The following FBXL18 variants were observed in gnomAD, a reference collection of about 807,000 sequenced individuals.
FBXL18 encodes F-box/LRR-repeat protein 18.
In FBXL18, 36 loss-of-function variants were observed where a neutral mutation model predicts 46.0. That is an observed-to-expected ratio of 0.78 (90% confidence interval 0.60 to 1.03). The LOEUF (loss-of-function observed/expected upper bound fraction) is 1.03, where lower values mean the gene tolerates loss of function less well. FBXL18 is among the 50% of genes least tolerant of loss of function. The probability of loss-of-function intolerance (pLI) is 0.00; values close to 1 mark genes in which losing one functional copy is unlikely to be tolerated. For synonymous variants in FBXL18, 557 were observed against 465.3 expected, an observed-to-expected ratio of 1.20 and a Z score of -2.54; for missense variants, 977 against 1,004.1, an observed-to-expected ratio of 0.97 and a Z score of 0.36.
chr7:5,502,450 G>A (rs192408264), intron 2 of FBXL18, among the ~76,000 whole-genome samples: 2 of 152,046 alleles, frequency 1.3e-5, no homozygotes, highest in Non-Finnish European at 1.5e-5. Context: ...CAGAAGAATC[G>A]CTTGAACCTG....
intron 1 of FBXL18, among the ~76,000 whole-genome samples, chr7:5,510,616 G>A (rs775647169): frequency 7.9e-5 from 12 of 151,338 alleles, no homozygotes; most frequent in Non-Finnish European, 1.6e-4. Context: ...AACCCGGGAA[G>A]TGGTGGCTTC....
chr7:5,482,982 G>A (rs1021558914), intron 4 of FBXL18, among the ~76,000 whole-genome samples: 17 of 151,302 alleles, frequency 1.1e-4, no homozygotes, highest in African/African-American at 3.2e-4. Context: ...AGGCGGCAGT[G>A]AGCTAAGATC....
rs1454696572 is a variant in FBXL18, at chr7:5,455,744, C to T, written c.2001-7901G>A. Among the ~76,000 whole-genome samples the T allele has an allele frequency of 6.7e-6, 1 of 149,422 alleles. No homozygotes were observed. Reference sequence around the variant, plus strand: ...GTCCCTAGATGGTGCCTCCCCCCCACCCCCACTACACACACACAAACACAC... The same window carrying T: ...GTCCCTAGATGGTGCCTCCCCCCCATCCCCACTACACACACACAAACACAC... On this transcript the variant is annotated intron_variant and NMD_transcript_variant, in intron 4 of 6. Coordinates refer to the FBXL18 transcript ENST00000415009. This position sits in a 1 kb window ranked among gnomAD's most constrained non-coding sequence, Gnocchi z 4.6.
In FBXL18 at chr7:5,455,283, G is replaced by C. The variant is rs1405085087; in HGVS notation, c.2001-7440C>G. Among the ~76,000 whole-genome samples the C allele has an allele frequency of 6.6e-6, 1 of 151,986 alleles. No homozygotes were observed. The highest frequency in any genetic ancestry group is 1.5e-5 in the Non-Finnish European group (1 of 67,980). On this transcript the variant is annotated intron_variant and NMD_transcript_variant, in intron 4 of 6. Coordinates refer to the FBXL18 transcript ENST00000415009. This position sits in a 1 kb window ranked among gnomAD's most constrained non-coding sequence, Gnocchi z 4.6. ...CTGGGGAGCAGTATCGGGAGCACCT[G>C]CAGGGAGTATTCTCGGGCATATGCT...
chr7:5,498,495 C>T (rs549864929), intron 3 of FBXL18, among the ~76,000 whole-genome samples: 9 of 152,322 alleles, frequency 5.9e-5, no homozygotes, highest in Non-Finnish European at 5.9e-5. Flanking sequence ...GGGCTCTTCG[C>T]GTGTTCTGGC....
Position 5,480,539 on chromosome 7 carries a change from T to C in FBXL18, c.*1236A>G, listed in dbSNP as rs1223819137. On this transcript the variant is annotated 3_prime_UTR_variant, in exon 5 of 5. Transcript: ENST00000382368. ...CCAAAGTGTGTTGAATATATATATATATATATATATTTTTTTTTTTTTTTT... is the reference window on the plus strand; with the variant it reads ...CCAAAGTGTGTTGAATATATATATACATATATATATTTTTTTTTTTTTTTT... The C allele has an allele frequency of 1.4e-4, 6 of 42,434 alleles. No homozygotes were observed. Among genetic ancestry groups the C allele is most frequent in the Admixed American group, 2.7e-4 (1 of 3,742 alleles). 2.6% of individuals were successfully genotyped at this position (42,434 alleles called of 1,614,324 possible).
intron 4 of FBXL18, among the ~76,000 whole-genome samples, chr7:5,486,855 G>A (rs565554235): frequency 1.3e-5 from 2 of 152,344 alleles, no homozygotes; most frequent in Admixed American, 1.3e-4. Context: ...GAGACCCCAG[G>A]CCACCCAGGG....
chr7:5,490,266 G>C, intron 4 of FBXL18: 1 of 1,265,068 alleles, frequency 7.9e-7, no homozygotes, highest in Non-Finnish European at 1.0e-6. Context: ...CCTTGGCCGG[G>C]CGCACGCCTC....
rs531433618 is a variant in FBXL18, at chr7:5,455,343, A to G, written c.2001-7500T>C. Among the ~76,000 whole-genome samples the G allele has an allele frequency of 2.0e-5, 3 of 152,052 alleles. No homozygotes were observed. Among genetic ancestry groups the G allele is most frequent in the African/African-American group, 7.2e-5 (3 of 41,486 alleles). On this transcript the variant is annotated intron_variant and NMD_transcript_variant, in intron 4 of 6. Coordinates refer to the FBXL18 transcript ENST00000415009. The surrounding 1 kb of genome is among the most constrained non-coding windows in gnomAD (Gnocchi z 4.6). ...CTCTCAAGGAGCACTCAGGGCACAT[A>G]CTTGAACATTCTCAGGCCACATACT...
rs563204295 is a variant in FBXL18, at chr7:5,487,425, A to C, written c.2000+3806T>G. ...GTCCCTGCAATGCTGTGACCCTCTC[A>C]TCTGCAGAAGATCCTGACACAGCCT... On this transcript the variant is annotated intron_variant, in intron 4 of 4. Coordinates refer to ENST00000382368, the MANE Select transcript of FBXL18 (RefSeq NM_024963.6). Among the ~76,000 whole-genome samples the C allele has an allele frequency of 9.8e-5, 15 of 152,298 alleles. No individual in the cohort carries two copies. The East Asian group carries it at 2.7e-3, about 27-fold the overall frequency.
At chr7:5,467,366 T>A in intron 4 of FBXL18, among the ~76,000 whole-genome samples, 1 of 146,870 alleles carries the variant, frequency 6.8e-6, no homozygotes, top group African/African-American at 2.5e-5. Flanking sequence ...ATAATAATAA[T>A]AAATAATAAA....
chr7:5,470,056 G>C (rs1783404155), intron 4 of FBXL18, among the ~76,000 whole-genome samples: 1 of 152,136 alleles, frequency 6.6e-6, no homozygotes, highest in Admixed American at 6.6e-5. Flanking sequence ...GAGTGCACAT[G>C]CGTGTGCGTG....
chr7:5,494,861 T>G (rs1448855944), intron 3 of FBXL18, among the ~76,000 whole-genome samples: 1 of 152,188 alleles, frequency 6.6e-6, no homozygotes, highest in African/African-American at 2.4e-5. Context: ...AAACCAAGTC[T>G]GCAGAGCGTG....
chr7:5,504,520 G>A (rs1350685597), intron 2 of FBXL18, among the ~76,000 whole-genome samples: 1 of 145,504 alleles, frequency 6.9e-6, no homozygotes, highest in Non-Finnish European at 1.5e-5. Context: ...TGGCCAGGCT[G>A]GTCTCGAACT....
chr7:5,483,739 C>T (rs527621227), intron 4 of FBXL18, among the ~76,000 whole-genome samples: 142 of 141,766 alleles, frequency 1.0e-3, no homozygotes, highest in African/African-American at 3.4e-3. Flanking sequence ...AGCAAAACTC[C>T]GTCTCAAAAA....
At chr7:5,471,155 T>C (rs1476253512), downstream of FBXL18, among the ~76,000 whole-genome samples, 1 of 152,138 alleles carries the variant, frequency 6.6e-6, no homozygotes, top group Admixed American at 6.6e-5. Context: ...ATCTCCACTA[T>C]CCTGCAAGTT....
At chr7:5,482,037 C>T (rs1783661728) in intron 4 of FBXL18, 106 bp from the exon 5 acceptor site, 3 of 1,361,218 alleles carry the variant, frequency 2.2e-6, no homozygotes, top group African/African-American at 2.9e-5. Flanking sequence ...CCGTCCCGGG[C>T]TCACCTGGGG....
chr7:5,488,454 A>T (rs1428862180), intron 4 of FBXL18, among the ~76,000 whole-genome samples: 2 of 151,672 alleles, frequency 1.3e-5, no homozygotes, highest in Non-Finnish European at 2.9e-5. Context: ...GGGATCGTGG[A>T]CGTTCTCCGC....
rs752333046 is a variant in FBXL18, at chr7:5,501,211, C to A, written c.1058G>T (p.Cys353Phe). ...RSLASLNLSG[C>F]VHCLSPDSLL... is the part of the protein sequence containing the mutation. ...CGAGTCTGGGGACAGGCAGTGGACGCAGCCGCTGAGGTTCAAGCTGGCCAG... is the reference window on the plus strand; with the variant it reads ...CGAGTCTGGGGACAGGCAGTGGACGAAGCCGCTGAGGTTCAAGCTGGCCAG... The change falls in exon 3 of 5, where the codon TGC becomes TTC. Residue 353 changes from cysteine (C) to phenylalanine (F), a missense_variant. Cys to Phe is a radical substitution (Grantham distance 205, BLOSUM62 -2). Coordinates refer to ENST00000382368, the MANE Select transcript of FBXL18 (RefSeq NM_024963.6). 3.8e-5 allele frequency: 62 copies of A among 1,613,076 alleles called. 1 individual carries two copies. The Admixed American group carries it at 1.0e-3, about 26-fold the overall frequency.
Sources: allele counts gnomAD v4.1 joint callset (sites outside exome capture counted in the v4.1 genomes callset), GRCh38; gene constraint gnomAD v4.1.1; non-coding constraint Gnocchi (gnomAD v3.1); transcripts MANE v1.5; gene names NCBI Gene and HGNC (gene_info 2026-07-23, HGNC 2026-07-21).